The following CNOT10 variants were observed in gnomAD, a reference collection of about 807,000 sequenced individuals.
The protein encoded by CNOT10 is CCR4-NOT transcription complex subunit 10, also known as CCR4-NOT transcription complex, subunit 10.
In CNOT10, 30 loss-of-function variants were observed where a neutral mutation model predicts 94.6. The observed-to-expected ratio is 0.32, with a 90% CI of 0.24 to 0.43. CNOT10 has a LOEUF of 0.43. Among genes scored for constraint, CNOT10 ranks in the 20% least tolerant of loss-of-function variants. CNOT10 has a pLI of 1.00. For synonymous variants in CNOT10, 289 were observed against 301.6 expected (o/e 0.96, Z 0.43); for missense variants, 759 against 877.2 (o/e 0.87, Z 1.70).
chr3:32,720,580 C>A (rs1283900174), intron 8 of CNOT10, among the ~76,000 whole-genome samples: 1 of 151,572 alleles, frequency 6.6e-6, no homozygotes, highest in African/African-American at 2.4e-5. Context: ...ACAGCCTCAA[C>A]CTCCTAGGCT....
chr3:32,689,723 G>A (rs1476644694), intron 1 of CNOT10, among the ~76,000 whole-genome samples: 1 of 152,176 alleles, frequency 6.6e-6, no homozygotes, highest in Non-Finnish European at 1.5e-5. Context: ...GGAGGCTGAG[G>A]TGGGAGAATC....
At chr3:32,687,931 A>C (rs182048035) in intron 1 of CNOT10, among the ~76,000 whole-genome samples, 1 of 152,122 alleles carries the variant, frequency 6.6e-6, no homozygotes, top group South Asian at 2.1e-4. Context: ...CATTCAGTCT[A>C]TCTTACATGC....
chr3:32,708,752 A>G lies in CNOT10; in HGVS notation c.362A>G (p.Tyr121Cys), dbSNP rs1697737738. 6.2e-7 allele frequency: 1 copy of G among 1,613,656 alleles called. No individual in the cohort carries two copies. Among genetic ancestry groups the G allele is most frequent in the Non-Finnish European group, 8.5e-7 (1 of 1,179,780 alleles). ...TACTATAATCAAGCAGTCATTCTTTATCATCTGCGGCAGTATACAGAAGCC... is the reference window on the plus strand; with the variant it reads ...TACTATAATCAAGCAGTCATTCTTTGTCATCTGCGGCAGTATACAGAAGCC... ...MLYYNQAVILYHLRQYTEAIS... is the reference protein window; with the variant it reads ...MLYYNQAVILCHLRQYTEAIS... Residue 121 changes from tyrosine to cysteine, a missense_variant, in exon 4 of 19, where the codon TAT (tyrosine) becomes TGT (cysteine). By Grantham distance (194) the Tyr-to-Cys change is radical. This residue lies in a region of CNOT10 where 682 missense variants were observed against 799.4 expected (regional missense o/e 0.85). Transcript: ENST00000328834.
In CNOT10 at chr3:32,773,533, A is replaced by G. The variant is rs951181324; in HGVS notation, c.2157A>G (p.Arg719=). 3 of 1,614,192 alleles carry G rather than the reference A, an allele frequency of 1.9e-6. No individual in the cohort carries two copies. The highest frequency in any genetic ancestry group is 2.5e-6 in the Non-Finnish European group (3 of 1,180,034). The change falls in exon 19 of 19, where the codon AGA becomes AGG. Residue 719 remains arginine, a synonymous_variant. Coordinates refer to ENST00000328834, the MANE Select transcript of CNOT10 (RefSeq NM_015442.3). ...LPAVKTHSEV[R]KKPVFQPVHP... is the part of the protein sequence containing the mutation. Reference sequence around the variant, plus strand: ...CAGTGAAAACACACTCTGAAGTGAGAAAGAAGCCAGTGTTTCAGCCTGTCC... The same window carrying G: ...CAGTGAAAACACACTCTGAAGTGAGGAAGAAGCCAGTGTTTCAGCCTGTCC...
intron 13 of CNOT10, among the ~76,000 whole-genome samples, chr3:32,747,928 C>T (rs1478296609): frequency 6.6e-6 from 1 of 152,048 alleles, no homozygotes; most frequent in Non-Finnish European, 1.5e-5. Flanking sequence ...AGCCCAGCGA[C>T]AGAGCAAGAC....
rs180734097 is a variant in CNOT10, at chr3:32,705,762, C to G, written c.279+790C>G. On this transcript the variant is annotated intron_variant, in intron 3 of 18. Coordinates refer to ENST00000328834, the MANE Select transcript of CNOT10 (RefSeq NM_015442.3). ...CTGTTAGGGAGTCATGAGACCTTTC[C>G]TGTAATCATGAGTACCATGATACTC... Among the ~76,000 whole-genome samples the G allele has an allele frequency of 1.1e-4, 16 of 152,206 alleles. No individual in the cohort carries two copies. In the East Asian group the frequency reaches 3.1e-3, roughly 29 times the overall value.
At chr3:32,696,460 A>G (rs927294345) in intron 1 of CNOT10, among the ~76,000 whole-genome samples, 3 of 152,198 alleles carry the variant, frequency 2.0e-5, no homozygotes, top group Admixed American at 6.5e-5. Flanking sequence ...TTTCATCCTG[A>G]AGTTAAAGAA....
rs7634682 is a variant in CNOT10 at position 32,694,960 on chromosome 3, G to A, written c.23-8908G>A. ...GGCTGGTCTCAAACTCCTGACCCCA[G>A]GTGATCCTCCTGCCCTGGCCTCCCA... On this transcript the variant is annotated intron_variant, in intron 1 of 18. Transcript: ENST00000328834. Among the ~76,000 whole-genome samples the A allele has an allele frequency of 9.5e-3, 1,446 of 152,164 alleles. 28 individuals carry two copies. Among genetic ancestry groups the A allele is most frequent in the African/African-American group, 0.033 (1,366 of 41,498 alleles).
At position 32,685,316 on chromosome 3, in the gene CNOT10, C is replaced by G; in HGVS notation, c.-145C>G. On this transcript the variant is annotated 5_prime_UTR_variant, in exon 1 of 19. Coordinates refer to ENST00000328834, the MANE Select transcript of CNOT10 (RefSeq NM_015442.3). Reference sequence around the variant, plus strand: ...TCTCGTCACTTCCTCAGCCCGCCGTCTGCCCACTCCTCTAGCCGGAACCTG... The same window carrying G: ...TCTCGTCACTTCCTCAGCCCGCCGTGTGCCCACTCCTCTAGCCGGAACCTG... The G allele has an allele frequency of 2.5e-6, 2 of 814,494 alleles. No homozygotes were observed. The highest frequency in any genetic ancestry group is 2.0e-6 in the Non-Finnish European group (1 of 509,292). The allele number at this position is 814,494 out of a possible 1,614,324, so 50.5% of individuals were successfully genotyped here.
intron 8 of CNOT10, among the ~76,000 whole-genome samples, chr3:32,723,997 T>C (rs1698537164): frequency 6.6e-6 from 1 of 152,102 alleles, no homozygotes; most frequent in African/African-American, 2.4e-5. Flanking sequence ...TGAGGATTGC[T>C]TGAGCCCAGG....
chr3:32,709,208 G>C (rs1387724083), intron 4 of CNOT10, among the ~76,000 whole-genome samples: 2 of 152,126 alleles, frequency 1.3e-5, no homozygotes, highest in Non-Finnish European at 2.9e-5. Context: ...GAAATTTTTG[G>C]TGGTAATTAT....
At position 32,687,452 on chromosome 3, in the gene CNOT10, GTTTT is replaced by G. The variant is rs56091219; in HGVS notation, c.22+1984_22+1987del. On this transcript the variant is annotated intron_variant, in intron 1 of 18. Transcript: ENST00000328834. The stretch of plus-strand genomic sequence containing the variant: ...TAAGTCCTCACGGTTTTTTTTTTTT[GTTTT>G]TTTTTTTTTTTTTGAGACGGAGTCT... Among the ~76,000 whole-genome samples the G allele has an allele frequency of 3.3e-4, 20 of 60,428 alleles. 1 individual carries two copies. Among genetic ancestry groups the G allele is most frequent in the South Asian group, 9.1e-4 (1 of 1,094 alleles). 39.6% of individuals were successfully genotyped at this position (60,428 alleles called of 152,430 possible).
At chr3:32,693,146 G>A (rs1696918138) in intron 1 of CNOT10, among the ~76,000 whole-genome samples, 2 of 152,136 alleles carry the variant, frequency 1.3e-5, no homozygotes, top group Admixed American at 1.3e-4. Context: ...TCAATTACCA[G>A]TTTTCAGAAC....
chr3:32,728,966 T>G (rs2125568624), intron 10 of CNOT10, among the ~76,000 whole-genome samples: 1 of 152,068 alleles, frequency 6.6e-6, no homozygotes, highest in Admixed American at 6.5e-5. Context: ...CCGGGCGTTG[T>G]GGGCCTGTAG....
At chr3:32,752,221 AGAGATTGT>A (rs1203694478) in intron 13 of CNOT10, among the ~76,000 whole-genome samples, 1 of 151,988 alleles carries the variant, frequency 6.6e-6, no homozygotes, top group Non-Finnish European at 1.5e-5. Flanking sequence ...CCCAGGAGGC[AGAGATTGT>A]GGTGAGCCGA....
chr3:32,732,195 AG>A (rs1698989994), intron 10 of CNOT10, among the ~76,000 whole-genome samples: 1 of 152,002 alleles, frequency 6.6e-6, no homozygotes. Context: ...GTTTGAGACT[AG>A]CCTGGCCAAT....
intron 7 of CNOT10, 46 bp downstream of exon 7, chr3:32,717,283 T>A: frequency 8.8e-7 from 1 of 1,132,474 alleles, no homozygotes; most frequent in Non-Finnish European, 1.3e-6. Flanking sequence ...GTCTTTCTTA[T>A]TTAGACTATG....
At chr3:32,740,877 A>G (rs2125591720) in intron 13 of CNOT10, among the ~76,000 whole-genome samples, 1 of 151,912 alleles carries the variant, frequency 6.6e-6, no homozygotes, top group East Asian at 1.9e-4. Flanking sequence ...AAAAAAAAAA[A>G]AAAATTTGTG....
chr3:32,765,045 G>A, intron 17 of CNOT10: 1 of 1,356,438 alleles, frequency 7.4e-7, no homozygotes, highest in Non-Finnish European at 9.7e-7. Flanking sequence ...ATTTTTTTTT[G>A]CCAGGCACAG....
Sources: gnomAD v4.1 joint callset for allele counts (sites outside exome capture counted in the v4.1 genomes callset) on GRCh38, gnomAD v4.1.1 for gene constraint, gnomAD v4.1.1 regional missense constraint, MANE v1.5 for transcripts, NCBI Gene and HGNC (gene_info 2026-07-23, HGNC 2026-07-21) for gene names.